The following RNGTT variants were observed in gnomAD, a reference collection of about 807,000 sequenced individuals.
RNGTT encodes the protein RNA guanylyltransferase and 5'-phosphatase.
Under a neutral mutation model 79.3 loss-of-function variants are expected in RNGTT, and 33 were observed. That is an observed-to-expected ratio of 0.42 (90% confidence interval 0.32 to 0.56). The LOEUF (loss-of-function observed/expected upper bound fraction) is 0.56. Among genes scored for constraint, RNGTT ranks in the 20% least tolerant of loss-of-function variants. The pLI, the probability that RNGTT is intolerant of heterozygous loss-of-function variation, is 0.17. For missense variants in RNGTT, 497 were observed against 739.1 expected (o/e 0.67, Z 3.80); for synonymous variants, 222 against 235.9 (o/e 0.94, Z 0.54).
intron 13 of RNGTT, among the ~76,000 whole-genome samples, chr6:88,766,930 C>T (rs1264527313): frequency 6.6e-6 from 1 of 152,032 alleles, no homozygotes; most frequent in Non-Finnish European, 1.5e-5. Context: ...TAGCTACTCC[C>T]CTTTCGAACT....
At chr6:88,649,157 T>C (rs1297227318) in intron 14 of RNGTT, among the ~76,000 whole-genome samples, 1 of 152,218 alleles carries the variant, frequency 6.6e-6, no homozygotes, top group East Asian at 1.9e-4. Context: ...ACTTACTGTA[T>C]ATTTAATGTT....
intron 8 of RNGTT, among the ~76,000 whole-genome samples, chr6:88,860,050 C>T (rs944795399): frequency 1.3e-5 from 2 of 152,188 alleles, no homozygotes; most frequent in African/African-American, 2.4e-5. Context: ...TATACCCCAA[C>T]AGAATAGGGG....
intron 14 of RNGTT, among the ~76,000 whole-genome samples, chr6:88,675,499 C>T (rs1294009125): frequency 6.6e-6 from 1 of 152,038 alleles, no homozygotes; most frequent in African/African-American, 2.4e-5. Flanking sequence ...CAAGACCAAC[C>T]TGGCCAACAG....
chr6:88,773,198 T>C (rs1170864794), intron 12 of RNGTT, among the ~76,000 whole-genome samples: 3 of 151,190 alleles, frequency 2.0e-5, no homozygotes, highest in Non-Finnish European at 4.4e-5. Context: ...GAAATCATCA[T>C]TCTCAGTAAA....
At chr6:88,614,181 T>A in intron 15 of RNGTT, 91 bp downstream of exon 15, 1 of 1,248,606 alleles carries the variant, frequency 8.0e-7, no homozygotes. Context: ...CTATGCCCCA[T>A]TAAGCAAAAC....
chr6:88,803,848 A>G (rs1318745674), intron 11 of RNGTT, among the ~76,000 whole-genome samples: 1 of 152,142 alleles, frequency 6.6e-6, no homozygotes, highest in East Asian at 1.9e-4. Flanking sequence ...CCAGTTAGCA[A>G]GACTCTACAT....
chr6:88,921,376 C>G (rs1176978568), intron 4 of RNGTT, among the ~76,000 whole-genome samples: 1 of 151,516 alleles, frequency 6.6e-6, no homozygotes. Context: ...TTATCAATTA[C>G]AGTTGACAAC....
intron 4 of RNGTT, among the ~76,000 whole-genome samples, chr6:88,917,777 C>T (rs1331551382): frequency 6.6e-6 from 1 of 152,076 alleles, no homozygotes; most frequent in Non-Finnish European, 1.5e-5. Flanking sequence ...ATCCCAGCTA[C>T]TCGGGAGGCT....
chr6:88,733,707 G>GGA (rs1245361315), intron 13 of RNGTT, among the ~76,000 whole-genome samples: 2 of 151,672 alleles, frequency 1.3e-5, no homozygotes, highest in African/African-American at 4.8e-5. Flanking sequence ...GGAAACCAGA[G>GGA]GAAAAACTCC....
intron 8 of RNGTT, among the ~76,000 whole-genome samples, chr6:88,865,394 C>T (rs1057194290): frequency 6.6e-6 from 1 of 151,926 alleles, no homozygotes; most frequent in African/African-American, 2.4e-5. Flanking sequence ...AGTTTAAGAA[C>T]CCTATAAACA....
At chr6:88,714,442 C>CTT (rs769098675) in intron 13 of RNGTT, 17 of 120,822 alleles carry the variant, frequency 1.4e-4, no homozygotes, top group South Asian at 2.5e-4. Context: ...AGTAAAAGTA[C>CTT]TTTTTTTTTT....
intron 4 of RNGTT, among the ~76,000 whole-genome samples, chr6:88,909,321 C>T (rs1191992287): frequency 6.6e-6 from 1 of 152,158 alleles, no homozygotes; most frequent in Non-Finnish European, 1.5e-5. Flanking sequence ...GGCCACACAG[C>T]CATCGGCTGG....
chr6:88,881,516 C>T (rs976559567), intron 8 of RNGTT, among the ~76,000 whole-genome samples: 2 of 152,030 alleles, frequency 1.3e-5, no homozygotes, highest in Non-Finnish European at 2.9e-5. Flanking sequence ...ATCGAAAGTC[C>T]CACTATCTGA....
In RNGTT at chr6:88,963,617, G is replaced by C. The variant is rs1785728687; in HGVS notation, c.-208C>G. The C allele has an allele frequency of 2.2e-6, 1 of 459,630 alleles. No individual in the cohort carries two copies. Among genetic ancestry groups the C allele is most frequent in the Non-Finnish European group, 3.8e-6 (1 of 261,698 alleles). 28.5% of individuals were successfully genotyped at this position (459,630 alleles called of 1,614,324 possible). A position where few individuals can be genotyped will look rare whatever the true frequency, so the allele number is the denominator to read the frequency against. ...CCACAGCTCCAGGAGAACCCACAAT[G>C]CACCGCAACTTCCGCCCCCGAAAGC... On this transcript the variant is annotated 5_prime_UTR_variant, in exon 1 of 16. Coordinates refer to ENST00000369485, the MANE Select transcript of RNGTT (RefSeq NM_003800.5).
intron 13 of RNGTT, among the ~76,000 whole-genome samples, chr6:88,756,450 G>A (rs962251692): frequency 6.6e-6 from 1 of 151,988 alleles, no homozygotes; most frequent in African/African-American, 2.4e-5. Context: ...GCCAGCCTGG[G>A]TGACAGAGTG....
chr6:88,879,971 G>A (rs925387864), intron 8 of RNGTT, among the ~76,000 whole-genome samples: 1 of 152,108 alleles, frequency 6.6e-6, no homozygotes, highest in Non-Finnish European at 1.5e-5. Context: ...GGGGGATATG[G>A]CTGCTTTTTA....
chr6:88,703,965 AAG>A (rs1776031726), intron 13 of RNGTT, among the ~76,000 whole-genome samples: 1 of 152,148 alleles, frequency 6.6e-6, no homozygotes, highest in Non-Finnish European at 1.5e-5. Flanking sequence ...CTTATATTAA[AAG>A]AGAGACTTCA....
At chr6:88,693,326 A>T (rs1775548727) in intron 13 of RNGTT, among the ~76,000 whole-genome samples, 1 of 152,156 alleles carries the variant, frequency 6.6e-6, no homozygotes, top group Admixed American at 6.6e-5. Flanking sequence ...ATCATAAGAG[A>T]TTATTATGAA....
At chr6:88,733,880 C>T (rs1400111194) in intron 13 of RNGTT, among the ~76,000 whole-genome samples, 1 of 148,652 alleles carries the variant, frequency 6.7e-6, no homozygotes, top group Non-Finnish European at 1.5e-5. Flanking sequence ...TTCAAAAGGA[C>T]AAAAATTTTC....
Sources: allele counts gnomAD v4.1 joint callset (sites outside exome capture counted in the v4.1 genomes callset), GRCh38; gene constraint gnomAD v4.1.1; transcripts MANE v1.5; gene names NCBI Gene and HGNC (gene_info 2026-07-23, HGNC 2026-07-21).